Variants in ALS2CL observed in about 807,000 individuals in gnomAD.
The protein encoded by ALS2CL is ALS2 C-terminal-like protein.
In ALS2CL, 112 loss-of-function variants were observed where a neutral mutation model predicts 127.9. The observed-to-expected ratio is 0.88, with a 90% confidence interval of 0.75 to 1.02. The LOEUF is 1.02. Ranked by LOEUF, ALS2CL falls within the 50% of genes least tolerant of loss-of-function variation. ALS2CL has a pLI of 0.00. For missense variants in ALS2CL, 1,174 were observed against 1,236.7 expected (o/e 0.95, Z 0.76); for synonymous variants, 519 against 527.6 (o/e 0.98, Z 0.22).
chr3:46,679,421 C>A, intron 14 of ALS2CL, 134 bp from the exon 15 acceptor site: 3 of 738,178 alleles, frequency 4.1e-6, no homozygotes, highest in Non-Finnish European at 6.7e-6. Context: ...CCTCATCACG[C>A]CCCACAGGAC....
rs1699847404 is a variant in ALS2CL, at chr3:46,687,090, C to G, written c.427G>C (p.Glu143Gln). 6.3e-7 allele frequency: 1 copy of G among 1,589,766 alleles called. No individual in the cohort carries two copies. The highest frequency in any genetic ancestry group is 1.3e-5 in the African/African-American group (1 of 74,762). Residue 143 changes from glutamate (E) to glutamine (Q), a missense_variant, in exon 5 of 26, where the codon GAG becomes CAG. Transcript: ENST00000318962. ...CCCAGCGATGCGCCCACCGAGCCCTCTGAGCTCACACCTGAAAGCAGCTGC... is the reference window on the plus strand; with the variant it reads ...CCCAGCGATGCGCCCACCGAGCCCTGTGAGCTCACACCTGAAAGCAGCTGC... ...LRQLLSGVSS[E>Q]GSVGASLGQA...
At chr3:46,673,855 A>C (rs1236857555) in intron 21 of ALS2CL, among the ~76,000 whole-genome samples, 2 of 151,882 alleles carry the variant, frequency 1.3e-5, no homozygotes, top group Non-Finnish European at 2.9e-5. Context: ...AGAAACAGGG[A>C]TTTGCAGGGT....
At chr3:46,678,486 G>T in intron 15 of ALS2CL, 97 bp from the exon 16 acceptor site, 1 of 1,459,724 alleles carries the variant, frequency 6.9e-7, no homozygotes, top group Non-Finnish European at 9.2e-7. Flanking sequence ...TGTCAGAGAG[G>T]CTAAGGACTA....
At chr3:46,675,595 C>G (rs1698750893) in intron 20 of ALS2CL, 23 bp downstream of exon 20, 1 of 1,609,072 alleles carries the variant, frequency 6.2e-7, no homozygotes, top group Non-Finnish European at 8.5e-7. Context: ...ACGGCAGGCC[C>G]CAAGGAGACC....
intron 16 of ALS2CL, 38 bp downstream of exon 16, chr3:46,678,219 TCC>T: frequency 6.6e-7 from 1 of 1,515,968 alleles, no homozygotes; most frequent in Non-Finnish European, 8.9e-7. Flanking sequence ...CACAGACACA[TCC>T]CCAGATAGGC....
chr3:46,675,738 G>A, intron 19 of ALS2CL, 52 bp from the exon 20 acceptor site: 2 of 1,610,320 alleles, frequency 1.2e-6, no homozygotes, highest in Non-Finnish European at 1.7e-6. Context: ...CACAGAACTG[G>A]AGTTCTACCA....
In ALS2CL at chr3:46,676,382, G is replaced by C. The variant is rs868693309; in HGVS notation, c.2049C>G (p.His683Gln). ...YLRKALSNSL[H>Q]PLGKLLRTLM... is the part of the protein sequence containing the mutation. ...GTGTCCGGAGCAGCTTTCCCAGGGGGTGCAGTGAGTTGCTCAGAGCCTGGG... is the reference window on the plus strand; with the variant it reads ...GTGTCCGGAGCAGCTTTCCCAGGGGCTGCAGTGAGTTGCTCAGAGCCTGGG... Residue 683 changes from histidine (H) to glutamine (Q), a missense_variant, in exon 19 of 26, where the codon CAC (histidine) becomes CAG (glutamine). Physicochemically the swap from His to Gln is conservative, Grantham distance 24. Transcript: ENST00000318962. 1.9e-6 allele frequency: 3 copies of C among 1,613,914 alleles called. No individual in the cohort carries two copies. The highest frequency in any genetic ancestry group is 8.5e-7 in the Non-Finnish European group (1 of 1,179,966).
chr3:46,672,348 A>G, intron 22 of ALS2CL, 147 bp from the exon 23 acceptor site: 2 of 970,142 alleles, frequency 2.1e-6, no homozygotes, highest in South Asian at 1.6e-5. Context: ...TGAGTGACCC[A>G]GGGCAAGTCA....
rs971312426 is a variant in ALS2CL, at chr3:46,670,478, C to T, written c.*506G>A. 1 of 149,346 alleles carries T rather than the reference C, an allele frequency of 6.7e-6. No individual in the cohort carries two copies. The highest frequency in any genetic ancestry group is 2.5e-5 in the African/African-American group (1 of 40,692). The allele number at this position is 149,346 out of a possible 1,614,324, so 9.3% of individuals were successfully genotyped here. On this transcript the variant is annotated 3_prime_UTR_variant, in exon 26 of 26. Transcript: ENST00000318962. This position sits in a 1 kb window ranked among gnomAD's most constrained non-coding sequence, Gnocchi z 5.5. ...CGTCATGGGTACGTGGCCTGCAGTT[C>T]ACGGATCTCCAGGCCCATCCTGTTG...
chr3:46,681,385 T>G lies in ALS2CL; in HGVS notation c.1297A>C (p.Lys433Gln). The change falls in exon 13 of 26, where the codon AAG (lysine) becomes CAG (glutamine). Residue 433 changes from lysine to glutamine, a missense_variant. By Grantham distance (53) the Lys-to-Gln change is moderately conservative. Coordinates refer to ENST00000318962, the MANE Select transcript of ALS2CL (RefSeq NM_147129.5). The surrounding 1 kb of genome is among the most constrained non-coding windows in gnomAD (Gnocchi z 4.9). ...ICEYSTDEVY[K>Q]GYFQEGLRHG... The stretch of plus-strand genomic sequence containing the variant: ...CGCAGGCCCTCCTGGAAGTAGCCCT[T>G]GTACACCTCGTCGGTGCTGTACCTG... 1 of 1,607,118 alleles carries G rather than the reference T, an allele frequency of 6.2e-7. No individual in the cohort carries two copies. Among genetic ancestry groups the G allele is most frequent in the Non-Finnish European group, 8.5e-7 (1 of 1,174,660 alleles).
intron 20 of ALS2CL, chr3:46,675,107 A>G (rs6442017): frequency 0.63 from 137,127 of 217,358 alleles, 44,535 homozygotes; most frequent in African/African-American, 0.79. Context: ...CGGGCGGGGA[A>G]TCCTCCCTAA....
intron 3 of ALS2CL, 128 bp from the exon 4 acceptor site, chr3:46,687,812 G>A: frequency 2.0e-6 from 2 of 1,002,844 alleles, no homozygotes; most frequent in Non-Finnish European, 2.9e-6. Flanking sequence ...CAGTGGCCTG[G>A]CTCTGGGCAC....
chr3:46,675,609 G>A lies in ALS2CL; in HGVS notation c.2255+9C>T, dbSNP rs752803089. On this transcript the variant is annotated intron_variant, in intron 20 of 25. Transcript: ENST00000318962. ...CACGGCAGGCCCCAAGGAGACCTGC[G>A]CCAGTCACCTTGTCTCTGTGTCTTC... 1.8e-5 allele frequency: 29 copies of A among 1,613,096 alleles called. No individual in the cohort carries two copies. Among genetic ancestry groups the A allele is most frequent in the Non-Finnish European group, 2.3e-5 (27 of 1,179,700 alleles).
chr3:46,685,483 C>A (rs755811059), intron 7 of ALS2CL, 42 bp downstream of exon 7: 3 of 1,606,086 alleles, frequency 1.9e-6, no homozygotes, highest in African/African-American at 2.7e-5. Context: ...GACCCCAGAA[C>A]CCTACTGTGG....
Position 46,681,786 on chromosome 3 carries a change from G to A in ALS2CL, c.1176-188C>T, listed in dbSNP as rs963874458. On this transcript the variant is annotated intron_variant, in intron 11 of 25. Transcript: ENST00000318962. This position sits in a 1 kb window ranked among gnomAD's most constrained non-coding sequence, Gnocchi z 4.9. ...GGACCCCTCCCTCCAGCCTGGTCCCGAGCACCTTGGAGCACCTTTTGGCCT... is the reference window on the plus strand; with the variant it reads ...GGACCCCTCCCTCCAGCCTGGTCCCAAGCACCTTGGAGCACCTTTTGGCCT... 9.2e-5 allele frequency among the ~76,000 whole-genome samples: 14 copies of A among 152,166 alleles called. No individual in the cohort carries two copies. The highest frequency in any genetic ancestry group is 6.5e-4 in the Admixed American group (10 of 15,284).
At position 46,681,714 on chromosome 3, in the gene ALS2CL, A is replaced by C; in HGVS notation, c.1176-116T>G. On this transcript the variant is annotated intron_variant, in intron 11 of 25. Coordinates refer to ENST00000318962, the MANE Select transcript of ALS2CL (RefSeq NM_147129.5). This position sits in a 1 kb window ranked among gnomAD's most constrained non-coding sequence, Gnocchi z 4.9. The stretch of plus-strand genomic sequence containing the variant: ...AAGGAGCCTTCCAGACAACAGGGAG[A>C]CTCTCAGAGGCCCTCAGCCTTCCTA... 1 of 1,049,270 alleles carries C rather than the reference A, an allele frequency of 9.5e-7. No homozygotes were observed. Among genetic ancestry groups the C allele is most frequent in the Non-Finnish European group, 1.4e-6 (1 of 707,850 alleles). 65.0% of individuals were successfully genotyped at this position (1,049,270 alleles called of 1,614,324 possible). A position where few individuals can be genotyped will look rare whatever the true frequency, so the allele number is the denominator to read the frequency against.
At position 46,681,486 on chromosome 3, in the gene ALS2CL, C is replaced by A. The variant is rs1297728858; in HGVS notation, c.1274+14G>T. On this transcript the variant is annotated intron_variant, in intron 12 of 25. Coordinates refer to ENST00000318962, the MANE Select transcript of ALS2CL (RefSeq NM_147129.5). The surrounding 1 kb of genome is among the most constrained non-coding windows in gnomAD (Gnocchi z 4.9). ...TGGGCCCAGCCCATGAACCCCCCAG[C>A]CAGGGTCACTTACTCACAGATGCCG... 6.2e-7 allele frequency: 1 copy of A among 1,614,068 alleles called. No individual in the cohort carries two copies. The highest frequency in any genetic ancestry group is 1.1e-5 in the South Asian group (1 of 91,080).
intron 17 of ALS2CL, 47 bp downstream of exon 17, chr3:46,676,802 C>T: frequency 6.2e-7 from 1 of 1,609,854 alleles, no homozygotes; most frequent in Non-Finnish European, 8.5e-7. Flanking sequence ...CCAGGAAGCC[C>T]TCCCCAGCCC....
In ALS2CL at chr3:46,679,525, C is replaced by A. The variant is rs1016164720; in HGVS notation, c.1549-238G>T. ...CCCCAAATGACACCCTCCGCCCTGG[C>A]TCCTCACCCCAGCGGCTTCTTCAGG... On this transcript the variant is annotated intron_variant, in intron 14 of 25. Transcript: ENST00000318962. 13 of 317,020 alleles carry A rather than the reference C, an allele frequency of 4.1e-5. No homozygotes were observed. The Admixed American group carries it at 5.8e-4, about 14-fold the overall frequency. The allele number at this position is 317,020 out of a possible 1,614,324, so 19.6% of individuals were successfully genotyped here.
Sources: allele counts gnomAD v4.1 joint callset (sites outside exome capture counted in the v4.1 genomes callset), GRCh38; gene constraint gnomAD v4.1.1; non-coding constraint Gnocchi (gnomAD v3.1); transcripts MANE v1.5; gene names NCBI Gene and HGNC (gene_info 2026-07-23, HGNC 2026-07-21).